IQCH: variants seen among roughly 807,000 people sequenced by gnomAD.
The protein encoded by IQCH is IQ motif containing H, also known as IQ domain-containing protein H.
In IQCH, 98 loss-of-function variants were observed where a neutral mutation model predicts 117.0. The observed-to-expected ratio is 0.84, with a 90% CI of 0.71 to 0.99. The LOEUF (loss-of-function observed/expected upper bound fraction) is 0.99, where lower values mean the gene tolerates loss of function less well. IQCH is among the 50% of genes least tolerant of loss of function. The pLI, the probability that IQCH is intolerant of heterozygous loss-of-function variation, is 0.00. For synonymous variants in IQCH, 412 were observed against 448.2 expected, an observed-to-expected ratio of 0.92 and a Z score of 1.02; for missense variants, 1,102 against 1,243.8, an observed-to-expected ratio of 0.89 and a Z score of 1.72.
At chr15:67,392,282 G>A (rs890253159) in intron 12 of IQCH, among the ~76,000 whole-genome samples, 5 of 152,116 alleles carry the variant, frequency 3.3e-5, no homozygotes, top group African/African-American at 1.2e-4. Flanking sequence ...CAAGGACATC[G>A]TAACTCAAGT....
intron 1 of IQCH, among the ~76,000 whole-genome samples, chr15:67,256,546 G>T (rs544264323): frequency 5.9e-5 from 9 of 152,292 alleles, no homozygotes; most frequent in African/African-American, 2.2e-4. Flanking sequence ...TATCAGGCAG[G>T]ACATCCCAGG....
chr15:67,282,701 T>C (rs1270108107), intron 4 of IQCH, among the ~76,000 whole-genome samples: 1 of 152,196 alleles, frequency 6.6e-6, no homozygotes, highest in Non-Finnish European at 1.5e-5. Flanking sequence ...TAAGTAGTTA[T>C]GAAATCCAAC....
intron 20 of IQCH, among the ~76,000 whole-genome samples, chr15:67,498,994 A>G (rs1265095182): frequency 2.0e-5 from 3 of 152,088 alleles, no homozygotes; most frequent in African/African-American, 7.2e-5. Flanking sequence ...TTGAATAGAC[A>G]TTTCTTCAGA....
intron 14 of IQCH, among the ~76,000 whole-genome samples, chr15:67,415,249 G>C (rs905529666): frequency 1.3e-5 from 2 of 152,106 alleles, no homozygotes; most frequent in Non-Finnish European, 2.9e-5. Flanking sequence ...TATAGGATAT[G>C]AAGGGAGGGA....
intron 16 of IQCH, among the ~76,000 whole-genome samples, chr15:67,428,134 T>C (rs1314614183): frequency 2.0e-5 from 3 of 152,214 alleles, no homozygotes; most frequent in South Asian, 2.1e-4. Flanking sequence ...TCTCCAACTA[T>C]AGAGAATATT....
rs562620357 is a variant in IQCH, at chr15:67,340,723, A to C, written c.509-3340A>C. On this transcript the variant is annotated intron_variant, in intron 5 of 20. Transcript: ENST00000335894. The stretch of plus-strand genomic sequence containing the variant: ...GTAATTTTATGAATATTCAATTTAT[A>C]TAAACACTTATTTATCTCTACAAGC... Among the ~76,000 whole-genome samples, 8 of 152,340 alleles carry C rather than the reference A, an allele frequency of 5.3e-5. No individual in the cohort carries two copies. The East Asian group carries it at 1.5e-3, about 29-fold the overall frequency.
In IQCH at chr15:67,357,383, G is replaced by A; in HGVS notation, c.676G>A (p.Ala226Thr). 6.2e-7 allele frequency: 1 copy of A among 1,611,136 alleles called. No individual in the cohort carries two copies. Among genetic ancestry groups the A allele is most frequent in the South Asian group, 1.1e-5 (1 of 91,014 alleles). ...TIPREPPPSP[A>T]EVKFFPKKQR... ...ACCTCGGGAACCACCTCCATCTCCA[G>A]CAGAAGTGAAGTTCTTTCCCAAGAA... is the stretch of plus-strand genomic sequence containing the variant. Residue 226 changes from alanine to threonine, a missense_variant, in exon 7 of 21, where the codon GCA (alanine) becomes ACA (threonine). Physicochemically the swap from Ala to Thr is moderately conservative, Grantham distance 58. Transcript: ENST00000335894.
intron 3 of IQCH, among the ~76,000 whole-genome samples, chr15:67,266,728 G>A (rs1260560244): frequency 1.3e-5 from 2 of 152,130 alleles, no homozygotes; most frequent in Non-Finnish European, 2.9e-5. Context: ...ATAGGTATAA[G>A]TCCATAATTT....
Position 67,359,509 on chromosome 15 carries a change from C to T in IQCH, c.715-338C>T, listed in dbSNP as rs1210626762. ...CAGTATGCCAAGCCTCGTGATAGAG[C>T]CAGTACAGACCTTTGATCAGACACC... On this transcript the variant is annotated intron_variant, in intron 7 of 20. Transcript: ENST00000335894. This position sits in a 1 kb window ranked among gnomAD's most constrained non-coding sequence, Gnocchi z 4.5. Among the ~76,000 whole-genome samples the T allele has an allele frequency of 6.6e-6, 1 of 152,174 alleles. No homozygotes were observed. The highest frequency in any genetic ancestry group is 1.5e-5 in the Non-Finnish European group (1 of 68,032).
rs188614943 is a variant in IQCH at position 67,424,336 on chromosome 15, G to C, written c.2505+2759G>C. On this transcript the variant is annotated intron_variant, in intron 16 of 20. Coordinates refer to ENST00000335894, the MANE Select transcript of IQCH (RefSeq NM_001031715.3). This position sits in a 1 kb window ranked among gnomAD's most constrained non-coding sequence, Gnocchi z 4.9. ...AGCCACATTGACTGAAGCGCTTCCT[G>C]ACCTTCCTGACAAAGTCAAATTCTC... Among the ~76,000 whole-genome samples, 13 of 152,326 alleles carry C rather than the reference G, an allele frequency of 8.5e-5. No individual in the cohort carries two copies. The highest frequency in any genetic ancestry group is 2.6e-4 in the African/African-American group (11 of 41,570).
intron 4 of IQCH, among the ~76,000 whole-genome samples, chr15:67,302,096 C>A (rs1967074494): frequency 2.0e-5 from 3 of 152,078 alleles, no homozygotes; most frequent in Admixed American, 2.0e-4. Context: ...CTTGATGGAG[C>A]ATGATAAAAC....
Position 67,466,588 on chromosome 15 carries a change from C to G in IQCH, c.2676+1291C>G, listed in dbSNP as rs2082938691. On this transcript the variant is annotated intron_variant, in intron 17 of 20. Transcript: ENST00000335894. This position sits in a 1 kb window ranked among gnomAD's most constrained non-coding sequence, Gnocchi z 4.4. The stretch of plus-strand genomic sequence containing the variant: ...CTCTTCCCAGGATCTCTGCAGTCAC[C>G]ATAAGGAGGGCACCTGATGTCTTGG... 6.6e-6 allele frequency: 1 copy of G among 152,204 alleles called. No homozygotes were observed. Among genetic ancestry groups the G allele is most frequent in the Non-Finnish European group, 1.5e-5 (1 of 68,094 alleles). The allele number at this position is 152,204 out of a possible 1,614,324, so 9.4% of individuals were successfully genotyped here. A position where few individuals can be genotyped will look rare whatever the true frequency, so the allele number is the denominator to read the frequency against.
chr15:67,340,005 T>C (rs941507551), intron 5 of IQCH, among the ~76,000 whole-genome samples: 8 of 152,222 alleles, frequency 5.3e-5, no homozygotes, highest in African/African-American at 1.9e-4. Context: ...CTAAAGTTCT[T>C]AGGGCTATAG....
chr15:67,419,089 C>T (rs1025588043), intron 15 of IQCH, among the ~76,000 whole-genome samples: 1 of 152,150 alleles, frequency 6.6e-6, no homozygotes, highest in Non-Finnish European at 1.5e-5. Flanking sequence ...AAGGCTTCAC[C>T]TCTACCTCCT....
intron 14 of IQCH, 39 bp downstream of exon 14, chr15:67,400,344 G>A (rs749601615): frequency 1.3e-6 from 2 of 1,504,492 alleles, no homozygotes; most frequent in Admixed American, 3.4e-5. Flanking sequence ...CAGGGTCTGT[G>A]AACAGTTAGG....
At chr15:67,314,484 G>GAAAA (rs11343033) in intron 4 of IQCH, among the ~76,000 whole-genome samples, 11 of 136,226 alleles carry the variant, frequency 8.1e-5, no homozygotes, top group Non-Finnish European at 1.1e-4. Context: ...TGTGCTAAAT[G>GAAAA]AAAAAAAAAA....
At chr15:67,455,519 C>CAAAG (rs1180933471) in intron 16 of IQCH, among the ~76,000 whole-genome samples, 3 of 152,256 alleles carry the variant, frequency 2.0e-5, no homozygotes, top group Admixed American at 6.5e-5. Flanking sequence ...CTGGAAATGT[C>CAAAG]AAAGAAACTG....
chr15:67,255,017 G>A, intron 1 of IQCH, 70 bp downstream of exon 1: 16 of 1,471,686 alleles, frequency 1.1e-5, no homozygotes, highest in Non-Finnish European at 1.5e-5. Context: ...CCCGCGCGCC[G>A]ATTCACCGAC....
In IQCH at chr15:67,296,618, G is replaced by T. The variant is rs1248826710; in HGVS notation, c.387+17106G>T. On this transcript the variant is annotated intron_variant, in intron 4 of 20. Coordinates refer to ENST00000335894, the MANE Select transcript of IQCH (RefSeq NM_001031715.3). ...TAATAATCAGTGAAGCATGGACCAA[G>T]CAGTGCCTGTGGGGACTAGAGAGGG... is the stretch of plus-strand genomic sequence containing the variant. 2.0e-5 allele frequency among the ~76,000 whole-genome samples: 3 copies of T among 152,258 alleles called. No homozygotes were observed. The East Asian group carries it at 5.8e-4, about 29-fold the overall frequency.
Sources: gnomAD v4.1 joint callset for allele counts (sites outside exome capture counted in the v4.1 genomes callset) on GRCh38, gnomAD v4.1.1 for gene constraint, Gnocchi (gnomAD v3.1) non-coding constraint, MANE v1.5 for transcripts, NCBI Gene and HGNC (gene_info 2026-07-23, HGNC 2026-07-21) for gene names.